The following CCSER2 variants were observed in gnomAD, a reference collection of about 807,000 sequenced individuals.
The protein encoded by CCSER2 is coiled-coil serine rich protein 2.
In CCSER2, 46 loss-of-function variants were observed where a neutral mutation model predicts 92.3. That is an observed-to-expected ratio of 0.50 (90% CI 0.39 to 0.64). The LOEUF (loss-of-function observed/expected upper bound fraction) is 0.64. CCSER2 is among the 30% of genes least tolerant of loss of function. CCSER2 has a pLI of 0.00. For missense variants in CCSER2, 1,244 were observed against 1,238.9 expected (o/e 1.00, Z -0.06); for synonymous variants, 433 against 431.4 (o/e 1.00, Z -0.04).
intron 3 of CCSER2, chr10:84,391,184 C>A: frequency 1.1e-6 from 1 of 875,720 alleles, no homozygotes; most frequent in Non-Finnish European, 2.0e-6. Context: ...GCACTGCAGT[C>A]TGGCTTTCTT....
intron 3 of CCSER2, among the ~76,000 whole-genome samples, chr10:84,408,160 TA>T (rs55985683): frequency 0.33 from 49,323 of 149,104 alleles, 9,373 homozygotes; most frequent in African/African-American, 0.53. Context: ...TACAGAAAAG[TA>T]AAAAAAAAAA....
intron 9 of CCSER2, among the ~76,000 whole-genome samples, chr10:84,495,683 T>G (rs1848408052): frequency 6.6e-6 from 1 of 152,114 alleles, no homozygotes; most frequent in Non-Finnish European, 1.5e-5. Context: ...GATTAACCTT[T>G]TTATCATTTT....
At chr10:84,482,408 A>G (rs1450795306) in intron 9 of CCSER2, among the ~76,000 whole-genome samples, 3 of 152,208 alleles carry the variant, frequency 2.0e-5, no homozygotes, top group Non-Finnish European at 4.4e-5. Context: ...AGAAATCAAG[A>G]TTCATTTTAA....
intron 1 of CCSER2, among the ~76,000 whole-genome samples, chr10:84,360,642 T>C (rs981991880): frequency 3.9e-5 from 6 of 152,232 alleles, no homozygotes; most frequent in African/African-American, 1.2e-4. Flanking sequence ...GTTAGCCCGC[T>C]CTTGCAGAGT....
chr10:84,479,718 T>C (rs147397947), intron 9 of CCSER2, among the ~76,000 whole-genome samples: 2 of 152,336 alleles, frequency 1.3e-5, no homozygotes, highest in Admixed American at 6.5e-5. Flanking sequence ...GCTTAAATGA[T>C]AGTAAGCTCA....
At chr10:84,443,436 C>A (rs576090826) in intron 6 of CCSER2, among the ~76,000 whole-genome samples, 1 of 152,306 alleles carries the variant, frequency 6.6e-6, no homozygotes, top group African/African-American at 2.4e-5. Flanking sequence ...ATTAAAACCA[C>A]AATGAGATAC....
intron 3 of CCSER2, among the ~76,000 whole-genome samples, chr10:84,394,835 C>T (rs1841740900): frequency 6.6e-6 from 1 of 151,940 alleles, no homozygotes; most frequent in African/African-American, 2.4e-5. Context: ...AACATTTTTT[C>T]TCATAAAAAT....
chr10:84,388,689 A>G (rs193046319), intron 3 of CCSER2, among the ~76,000 whole-genome samples: 79 of 152,274 alleles, frequency 5.2e-4, no homozygotes, highest in Non-Finnish European at 9.1e-4. Flanking sequence ...CATGGACTGG[A>G]GTGCAGATGG....
chr10:84,409,789 A>G (rs540271259), intron 3 of CCSER2, among the ~76,000 whole-genome samples: 1 of 152,282 alleles, frequency 6.6e-6, no homozygotes, highest in Non-Finnish European at 1.5e-5. Context: ...GGGTACATGT[A>G]CAGGACATGC....
intron 6 of CCSER2, chr10:84,455,977 C>T: frequency 4.9e-6 from 3 of 607,778 alleles, no homozygotes; most frequent in Admixed American, 4.0e-5. Context: ...GTAAGGGCAT[C>T]ACGTACTCCT....
intron 3 of CCSER2, among the ~76,000 whole-genome samples, chr10:84,411,234 G>A (rs371737425): frequency 2.6e-5 from 4 of 152,164 alleles, no homozygotes; most frequent in Admixed American, 6.5e-5. Flanking sequence ...AGGCTCCTGG[G>A]TGCCTATATA....
rs1038596587 is a variant in CCSER2 at position 84,455,854 on chromosome 10, A to G, written c.2065-8079A>G. The G allele has an allele frequency of 9.3e-6, 7 of 749,132 alleles. No homozygotes were observed. In the African/African-American group the frequency reaches 1.2e-4, roughly 13 times the overall value. The allele number at this position is 749,132 out of a possible 1,614,324, so 46.4% of individuals were successfully genotyped here. Reference sequence around the variant, plus strand: ...TGGTTTTCACTGTATATCCCATTGTAACGGGAGCAACCACAGCATCTGGCT... The same window carrying G: ...TGGTTTTCACTGTATATCCCATTGTGACGGGAGCAACCACAGCATCTGGCT... On this transcript the variant is annotated intron_variant, in intron 6 of 9. Transcript: ENST00000372088.
chr10:84,482,347 T>C (rs1456625255), intron 9 of CCSER2, among the ~76,000 whole-genome samples: 5 of 152,194 alleles, frequency 3.3e-5, no homozygotes, highest in Admixed American at 6.5e-5. Context: ...ATCATTCACA[T>C]GAAAATAGTT....
intron 6 of CCSER2, chr10:84,454,532 CCT>C (rs1845490564): frequency 6.6e-6 from 1 of 151,990 alleles, no homozygotes; most frequent in Admixed American, 6.6e-5. Flanking sequence ...TTAAATAAAT[CCT>C]CTCATAGGAA....
intron 3 of CCSER2, among the ~76,000 whole-genome samples, chr10:84,409,715 C>T (rs7082351): frequency 0.21 from 31,948 of 151,918 alleles, 3,609 homozygotes; most frequent in Admixed American, 0.34. Flanking sequence ...ATGATGTTTC[C>T]GTACCATGAC....
chr10:84,363,678 T>C (rs1276573814), intron 1 of CCSER2, among the ~76,000 whole-genome samples: 1 of 152,266 alleles, frequency 6.6e-6, no homozygotes, highest in African/African-American at 2.4e-5. Context: ...CAGCTCTTAC[T>C]GTTCTTCTGC....
At chr10:84,487,207 G>A (rs1377860729) in intron 9 of CCSER2, among the ~76,000 whole-genome samples, 1 of 152,196 alleles carries the variant, frequency 6.6e-6, no homozygotes, top group Non-Finnish European at 1.5e-5. Flanking sequence ...TTTTGGCTTA[G>A]GATAGTCTTG....
intron 1 of CCSER2, among the ~76,000 whole-genome samples, chr10:84,349,562 G>A (rs1248489026): frequency 6.6e-6 from 1 of 152,060 alleles, no homozygotes; most frequent in African/African-American, 2.4e-5. Flanking sequence ...TGTGCCTGTA[G>A]TCCCAGCTAC....
intron 9 of CCSER2, among the ~76,000 whole-genome samples, chr10:84,506,684 C>T (rs2484876): frequency 0.078 from 11,805 of 152,006 alleles, 515 homozygotes; most frequent in Middle Eastern, 0.12. Context: ...ATACCATCTA[C>T]TTGGGAGGCT....
Sources: gnomAD v4.1 joint callset for allele counts (sites outside exome capture counted in the v4.1 genomes callset) on GRCh38, gnomAD v4.1.1 for gene constraint, MANE v1.5 for transcripts, NCBI Gene and HGNC (gene_info 2026-07-23, HGNC 2026-07-21) for gene names.